Variants in SOX13 observed in about 807,000 individuals in gnomAD.
SOX13 encodes transcription factor SOX-13.
SOX13 carries 28 observed loss-of-function variants against 71.8 expected under a neutral mutation model. The ratio of observed to expected loss-of-function variants is 0.39; its 90% CI spans 0.29 to 0.53. The LOEUF (loss-of-function observed/expected upper bound fraction) is 0.53. SOX13 is among the 20% of genes least tolerant of loss of function. The pLI, the probability that SOX13 is intolerant of heterozygous loss-of-function variation, is 0.70. For missense variants in SOX13, 627 were observed against 810.3 expected (o/e 0.77, Z 2.75); for synonymous variants, 309 against 317.8 (o/e 0.97, Z 0.29).
intron 1 of SOX13, among the ~76,000 whole-genome samples, chr1:204,075,991 A>C (rs1248502755): frequency 6.6e-6 from 1 of 152,082 alleles, no homozygotes; most frequent in Non-Finnish European, 1.5e-5. Flanking sequence ...ACTCTCTCCC[A>C]CCCTTGCCTG....
intron 1 of SOX13, among the ~76,000 whole-genome samples, chr1:204,088,060 G>C (rs1656060978): frequency 6.6e-6 from 1 of 152,204 alleles, no homozygotes; most frequent in South Asian, 2.1e-4. Context: ...CTTGCCATTG[G>C]TTTTGGGGAA....
intron 9 of SOX13, 83 bp downstream of exon 9, chr1:204,122,482 TCTC>T (rs1481084570): frequency 7.0e-6 from 8 of 1,140,856 alleles, no homozygotes; most frequent in African/African-American, 1.6e-5. Context: ...GCAGGTCCCT[TCTC>T]CTCCCTGGGT....
rs1382907247 is a variant in SOX13, at chr1:204,081,672, C to A, written c.-2+7961C>A. On this transcript the variant is annotated intron_variant, in intron 1 of 13. Coordinates refer to ENST00000367204, the MANE Select transcript of SOX13 (RefSeq NM_005686.3). The surrounding 1 kb of genome is among the most constrained non-coding windows in gnomAD (Gnocchi z 4.3). ...AAGCATTAACTCTTGCCTGGCCACA[C>A]AAGGCAGGACCTGGCACTCCTCAGA... Among the ~76,000 whole-genome samples, 4 of 152,214 alleles carry A rather than the reference C, an allele frequency of 2.6e-5. No homozygotes were observed. The highest frequency in any genetic ancestry group is 9.6e-5 in the African/African-American group (4 of 41,460).
At chr1:204,111,591 A>T (rs1656580147) in intron 1 of SOX13, among the ~76,000 whole-genome samples, 2 of 152,242 alleles carry the variant, frequency 1.3e-5, no homozygotes, top group Admixed American at 1.3e-4. Context: ...CCAGCTGCTT[A>T]AACTAGGAAC....
At chr1:204,122,164 C>T (rs1428875694) in intron 8 of SOX13, 73 bp from the exon 9 acceptor site, 7 of 1,325,272 alleles carry the variant, frequency 5.3e-6, no homozygotes, top group Non-Finnish European at 7.3e-6. Flanking sequence ...ATGCTCACCT[C>T]ACTTCCTCTC....
At chr1:204,087,080 G>T (rs555880747) in intron 1 of SOX13, among the ~76,000 whole-genome samples, 72 of 152,104 alleles carry the variant, frequency 4.7e-4, no homozygotes, top group Middle Eastern at 6.3e-3. Context: ...CCCACCACCA[G>T]GCCCGGCTAA....
chr1:204,116,600 C>T lies in SOX13; in HGVS notation c.512C>T (p.Ser171Leu), dbSNP rs373239547. Residue 171 changes from serine to leucine, a missense_variant, in exon 5 of 14, where the codon TCG becomes TTG. Around this residue, in one of 3 missense-constraint regions of SOX13, gnomAD observed 447 missense variants for 532.2 expected, o/e 0.84. Coordinates refer to ENST00000367204, the MANE Select transcript of SOX13 (RefSeq NM_005686.3). The part of the protein sequence containing the change: ...TLRDQLLTAH[S>L]EQKNMAAMLF... ...CGGGACCAGCTCCTGACAGCCCACT[C>T]GGAGCAGAAGAACATGGCTGCCATG... The T allele has an allele frequency of 1.2e-5, 19 of 1,614,000 alleles. No individual in the cohort carries two copies. The highest frequency in any genetic ancestry group is 2.2e-5 in the East Asian group (1 of 44,884).
At position 204,126,543 on chromosome 1, in the gene SOX13, A is replaced by C; in HGVS notation, c.*409A>C. The C allele has an allele frequency of 4.5e-6, 1 of 223,846 alleles. No individual in the cohort carries two copies. The highest frequency in any genetic ancestry group is 8.9e-6 in the Non-Finnish European group (1 of 112,180). 13.9% of individuals were successfully genotyped at this position (223,846 alleles called of 1,614,324 possible). The stretch of plus-strand genomic sequence containing the variant: ...ACTGTGGGACCAACACCCCTCCCAC[A>C]CTCCCCCAGACTGCTCGTCTATCAC... On this transcript the variant is annotated 3_prime_UTR_variant, in exon 14 of 14. Transcript: ENST00000367204.
intron 1 of SOX13, among the ~76,000 whole-genome samples, chr1:204,083,473 A>G (rs1655952012): frequency 6.6e-6 from 1 of 152,138 alleles, no homozygotes; most frequent in Non-Finnish European, 1.5e-5. Context: ...TCTATCTCCC[A>G]TCATCTAAAC....
At chr1:204,108,478 C>A (rs1430970352) in intron 1 of SOX13, among the ~76,000 whole-genome samples, 1 of 152,352 alleles carries the variant, frequency 6.6e-6, no homozygotes, top group East Asian at 1.9e-4. Context: ...CGTTCACCAT[C>A]CCCAACTGGG....
intron 4 of SOX13, 88 bp from the exon 5 acceptor site, chr1:204,116,418 TA>T (rs1656695396): frequency 6.2e-7 from 1 of 1,610,362 alleles, no homozygotes; most frequent in African/African-American, 1.3e-5. Flanking sequence ...AATTGCTCAA[TA>T]AGTTTCTGAT....
At chr1:204,083,849 G>A (rs975903321) in intron 1 of SOX13, among the ~76,000 whole-genome samples, 1 of 152,154 alleles carries the variant, frequency 6.6e-6, no homozygotes. Context: ...ACTGATACCA[G>A]TACTGACAAA....
chr1:204,089,159 C>T (rs1656084777), intron 1 of SOX13, among the ~76,000 whole-genome samples: 2 of 142,164 alleles, frequency 1.4e-5, no homozygotes, highest in Admixed American at 7.4e-5. Context: ...ACATTCTGTT[C>T]TCCAGTGTTG....
At chr1:204,100,025 CT>C (rs1656329958) in intron 1 of SOX13, among the ~76,000 whole-genome samples, 1 of 152,176 alleles carries the variant, frequency 6.6e-6, no homozygotes, top group Non-Finnish European at 1.5e-5. Flanking sequence ...GTAGTTCCAG[CT>C]ACTTGTGAGG....
chr1:204,117,375 G>A (rs1489394175), intron 6 of SOX13, among the ~76,000 whole-genome samples, 185 bp downstream of exon 6: 2 of 152,158 alleles, frequency 1.3e-5, no homozygotes, highest in East Asian at 3.9e-4. Context: ...TGATTAAAGG[G>A]AGGAGCCCGG....
chr1:204,103,741 A>G (rs1234199965), intron 1 of SOX13, among the ~76,000 whole-genome samples: 6 of 152,200 alleles, frequency 3.9e-5, no homozygotes. Flanking sequence ...TGGCCTTGCC[A>G]TTGGGAAACA....
chr1:204,124,716 AC>A lies in SOX13; in HGVS notation c.1453del (p.Leu485TrpfsTer32). 6.2e-7 allele frequency: 1 copy of A among 1,613,136 alleles called. No individual in the cohort carries two copies. Among genetic ancestry groups the A allele is most frequent in the East Asian group, 2.2e-5 (1 of 44,862 alleles). ...GAACAGGCGCGGCTGAGCCGGCAGC[AC>A]CTGGAGAAGTATCCTGACTACAAGT... ...YEEQARLSRQ[H>X]LEKYPDYKYK... On this transcript the variant is annotated frameshift_variant, in exon 13 of 14. Transcript: ENST00000367204. LOFTEE classifies it high-confidence loss of function.
chr1:204,087,350 AG>A (rs1350218096), intron 1 of SOX13, among the ~76,000 whole-genome samples: 1 of 152,174 alleles, frequency 6.6e-6, no homozygotes, highest in Non-Finnish European at 1.5e-5. Context: ...CTGCCTTCCC[AG>A]GGGCACCAGC....
At chr1:204,110,626 A>G (rs946817322) in intron 1 of SOX13, among the ~76,000 whole-genome samples, 4 of 152,126 alleles carry the variant, frequency 2.6e-5, no homozygotes, top group Non-Finnish European at 5.9e-5. Context: ...TGGAACCTAC[A>G]AATACAGAGG....
Sources: gnomAD v4.1 joint callset for allele counts (sites outside exome capture counted in the v4.1 genomes callset) on GRCh38, gnomAD v4.1.1 for gene constraint, gnomAD v4.1.1 regional missense constraint, Gnocchi (gnomAD v3.1) non-coding constraint, MANE v1.5 for transcripts, NCBI Gene and HGNC (gene_info 2026-07-23, HGNC 2026-07-21) for gene names.